Variants in CSMD1 observed in about 807,000 individuals in gnomAD.
The protein encoded by CSMD1 is CUB and Sushi multiple domains 1.
CSMD1 carries 213 observed loss-of-function variants against 417.5 expected under a neutral mutation model. That is an observed-to-expected ratio of 0.51 (90% CI 0.46 to 0.57). The LOEUF (loss-of-function observed/expected upper bound fraction) is 0.57, where lower values mean the gene tolerates loss of function less well. Among genes scored for constraint, CSMD1 ranks in the 20% least tolerant of loss-of-function variants. The pLI, the probability that CSMD1 is intolerant of heterozygous loss-of-function variation, is 0.00. For missense variants in CSMD1, 6,923 were observed against 4,529.7 expected (o/e 1.53, Z -15.17); for synonymous variants, 2,862 against 1,736.8 (o/e 1.65, Z -16.11).
At chr8:4,223,375 A>G (rs1714732) in intron 3 of CSMD1, among the ~76,000 whole-genome samples, 75,813 of 152,202 alleles carry the variant, frequency 0.5, 20,176 homozygotes, top group Non-Finnish European at 0.59. Flanking sequence ...CCATCCATCA[A>G]GTAAATTCAG....
intron 2 of CSMD1, among the ~76,000 whole-genome samples, chr8:4,558,101 T>C (rs951369105): frequency 1.3e-5 from 2 of 152,072 alleles, no homozygotes; most frequent in Admixed American, 1.3e-4. Context: ...TTTACTGAAA[T>C]GTAAATGGCC....
At chr8:4,307,433 G>A (rs1585200712) in intron 3 of CSMD1, among the ~76,000 whole-genome samples, 1 of 152,246 alleles carries the variant, frequency 6.6e-6, no homozygotes, top group Admixed American at 6.5e-5. Flanking sequence ...AAGTTGAGAT[G>A]CTATCATCAA....
At chr8:3,194,408 C>CTATTT (rs201987474) in intron 33 of CSMD1, among the ~76,000 whole-genome samples, 35,991 of 134,472 alleles carry the variant, frequency 0.27, 5,134 homozygotes, top group South Asian at 0.34. Flanking sequence ...ATCTGATTAA[C>CTATTT]TATTTTATTT....
At chr8:3,635,485 T>C (rs1435281360) in intron 7 of CSMD1, among the ~76,000 whole-genome samples, 5 of 113,776 alleles carry the variant, frequency 4.4e-5, no homozygotes, top group African/African-American at 9.5e-5. Flanking sequence ...CTCCATCTCT[T>C]TTTTTTTTTT....
In CSMD1 at chr8:2,960,795, G is replaced by C. The variant is rs148694128; in HGVS notation, c.9702+346C>G. Among the ~76,000 whole-genome samples the C allele has an allele frequency of 6.1e-3, 923 of 151,930 alleles. 7 individuals are homozygous for C. Among genetic ancestry groups the C allele is most frequent in the Non-Finnish European group, 8.5e-3 (575 of 67,956 alleles). On this transcript the variant is annotated intron_variant, in intron 62 of 69. Transcript: ENST00000635120. ...TTTATGGGTAGCTAATCAGTGACAA[G>C]TTACCCCAATCTGAGAACTGCCGTG... is the stretch of plus-strand genomic sequence containing the variant.
At chr8:3,617,458 C>A (rs1425672453) in intron 7 of CSMD1, among the ~76,000 whole-genome samples, 1 of 152,148 alleles carries the variant, frequency 6.6e-6, no homozygotes, top group East Asian at 1.9e-4. Flanking sequence ...TCTAATCAAA[C>A]TAACACATTT....
At chr8:4,733,911 C>T (rs758476950) in intron 1 of CSMD1, among the ~76,000 whole-genome samples, 2 of 152,042 alleles carry the variant, frequency 1.3e-5, no homozygotes, top group Non-Finnish European at 2.9e-5. Flanking sequence ...TGGAAAAAAA[C>T]AGACAAGGAT....
chr8:4,806,290 A>G (rs1798582107), intron 1 of CSMD1, among the ~76,000 whole-genome samples: 1 of 152,090 alleles, frequency 6.6e-6, no homozygotes, highest in Admixed American at 6.5e-5. Context: ...AAGTCCCGCT[A>G]CACCCTAGGA....
intron 11 of CSMD1, among the ~76,000 whole-genome samples, chr8:3,487,447 C>A (rs1047658249): frequency 1.3e-5 from 2 of 152,104 alleles, no homozygotes; most frequent in Admixed American, 6.6e-5. Context: ...GTGATCTGCC[C>A]GCCTCGGCCT....
intron 5 of CSMD1, among the ~76,000 whole-genome samples, chr8:3,863,298 G>A (rs977855279): frequency 1.2e-4 from 18 of 151,720 alleles, no homozygotes; most frequent in African/African-American, 4.1e-4. Flanking sequence ...TCAGGAGGCT[G>A]AGGCAGGAGA....
chr8:3,948,701 A>ACATTT (rs1811407434), intron 5 of CSMD1, among the ~76,000 whole-genome samples: 4 of 152,222 alleles, frequency 2.6e-5, no homozygotes, highest in Admixed American at 2.6e-4. Flanking sequence ...CACCAACTTA[A>ACATTT]TAATGAATAA....
intron 15 of CSMD1, among the ~76,000 whole-genome samples, chr8:3,401,708 G>T (rs570174680): frequency 9.2e-5 from 14 of 152,058 alleles, no homozygotes; most frequent in Middle Eastern, 3.4e-3. Context: ...GGTGGAAAAA[G>T]GTCTTAGGAA....
At chr8:4,986,118 T>C (rs1238643077) in intron 1 of CSMD1, among the ~76,000 whole-genome samples, 1 of 152,234 alleles carries the variant, frequency 6.6e-6, no homozygotes, top group African/African-American at 2.4e-5. Context: ...AAATTGTTGA[T>C]GGACTTTGAA....
chr8:3,706,252 CTATTT>C (rs1801164124), intron 7 of CSMD1, among the ~76,000 whole-genome samples: 1 of 152,234 alleles, frequency 6.6e-6, no homozygotes. Context: ...GAAAGGATTA[CTATTT>C]TATTAATAAT....
At chr8:3,087,964 A>G (rs1452049083) in intron 48 of CSMD1, among the ~76,000 whole-genome samples, 1 of 152,188 alleles carries the variant, frequency 6.6e-6, no homozygotes, top group African/African-American at 2.4e-5. Flanking sequence ...CAAGGCCATT[A>G]ATTTCTTTCC....
intron 2 of CSMD1, among the ~76,000 whole-genome samples, chr8:4,437,009 TTCTC>T (rs1184920981): frequency 2.0e-5 from 3 of 152,198 alleles, no homozygotes; most frequent in African/African-American, 7.2e-5. Context: ...ACTATCCTGA[TTCTC>T]TCTATCCCTG....
chr8:4,180,465 A>G (rs1017184365), intron 3 of CSMD1, among the ~76,000 whole-genome samples: 52 of 150,756 alleles, frequency 3.4e-4, no homozygotes, highest in African/African-American at 9.5e-4. Context: ...ATTAGGAGAT[A>G]TGCCTAATGC....
chr8:4,002,987 C>G (rs1464313143), intron 4 of CSMD1, among the ~76,000 whole-genome samples: 2 of 151,592 alleles, frequency 1.3e-5, no homozygotes, highest in Non-Finnish European at 2.9e-5. Context: ...ACCAATCTAC[C>G]TGTTTAATTT....
At chr8:3,513,675 G>A (rs748703036) in intron 10 of CSMD1, among the ~76,000 whole-genome samples, 4 of 152,142 alleles carry the variant, frequency 2.6e-5, no homozygotes, top group Non-Finnish European at 5.9e-5. Flanking sequence ...ATGCCAGCAG[G>A]TCCACAAAAT....
Sources: gnomAD v4.1 joint callset for allele counts (sites outside exome capture counted in the v4.1 genomes callset) on GRCh38, gnomAD v4.1.1 for gene constraint, MANE v1.5 for transcripts, NCBI Gene and HGNC (gene_info 2026-07-23, HGNC 2026-07-21) for gene names.